SETX: variants seen among roughly 807,000 people sequenced by gnomAD.
The protein encoded by SETX is helicase senataxin.
Under a neutral mutation model 227.2 loss-of-function variants are expected in SETX, and 90 were observed. The observed-to-expected ratio is 0.40, with a 90% CI of 0.33 to 0.47. The LOEUF (loss-of-function observed/expected upper bound fraction) is 0.47. SETX is among the 20% of genes least tolerant of loss of function. The pLI is 0.91. For synonymous variants in SETX, 1,210 were observed against 1,113.2 expected, an observed-to-expected ratio of 1.09 and a Z score of -1.73; for missense variants, 3,052 against 3,181.5, an observed-to-expected ratio of 0.96 and a Z score of 0.98.
In SETX at chr9:132,269,598, A is replaced by G; in HGVS notation, c.7287+17T>C. On this transcript the variant is annotated intron_variant, in intron 25 of 25. Transcript: ENST00000224140. The stretch of plus-strand genomic sequence containing the variant: ...AACAGTAACAATGGGTAAACTTCTG[A>G]GCTCTCTGGTACCTACCATCAGGGT... 1 of 1,613,910 alleles carries G rather than the reference A, an allele frequency of 6.2e-7. No homozygotes were observed. Among genetic ancestry groups the G allele is most frequent in the Non-Finnish European group, 8.5e-7 (1 of 1,179,736 alleles).
chr9:132,274,015 C>CT (rs1340119925), intron 23 of SETX, among the ~76,000 whole-genome samples: 2 of 149,696 alleles, frequency 1.3e-5, no homozygotes, highest in Admixed American at 6.6e-5. Context: ...TTCCGTGCAA[C>CT]TTTTTTTTGT....
Position 132,327,048 on chromosome 9 carries a change from T to C in SETX, c.4550A>G (p.Tyr1517Cys), listed in dbSNP as rs750994456. The change falls in exon 10 of 26, where the codon TAT becomes TGT. Residue 1517 changes from tyrosine (Y) to cysteine (C), a missense_variant. By Grantham distance (194) the Tyr-to-Cys change is radical. Coordinates refer to ENST00000224140, the MANE Select transcript of SETX (RefSeq NM_015046.7). ...TCCATGAATTAGTTCAATGAGTTTATAATTGTCATTCTCCATTTGTGAACA... is the reference window on the plus strand; with the variant it reads ...TCCATGAATTAGTTCAATGAGTTTACAATTGTCATTCTCCATTTGTGAACA... ...DLCSQMENDN[Y>C]KLIELIHGKD... 2 of 1,614,232 alleles carry C rather than the reference T, an allele frequency of 1.2e-6. No individual in the cohort carries two copies. Among genetic ancestry groups the C allele is most frequent in the South Asian group, 2.2e-5 (2 of 91,088 alleles).
rs113856732 is a variant in SETX at position 132,327,381 on chromosome 9, G to T, written c.4217C>A (p.Ala1406Asp). The T allele has an allele frequency of 1.9e-6, 3 of 1,614,174 alleles. No individual in the cohort carries two copies. Among genetic ancestry groups the T allele is most frequent in the Non-Finnish European group, 2.5e-6 (3 of 1,180,040 alleles). ...YNCTGGTEVLANSNRKQLIKC... is the reference protein window; with the variant it reads ...YNCTGGTEVLDNSNRKQLIKC... Reference sequence around the variant, plus strand: ...TATTAACTGTTTTCTGTTACTGTTGGCAAGTACCTCAGTTCCTCCTGTACA... The same window carrying T: ...TATTAACTGTTTTCTGTTACTGTTGTCAAGTACCTCAGTTCCTCCTGTACA... Residue 1406 changes from alanine to aspartate, a missense_variant, in exon 10 of 26, where the codon GCC becomes GAC. By Grantham distance (126) the Ala-to-Asp change is moderately radical. Around this residue, in one of 10 missense-constraint regions of SETX, gnomAD observed 1,483 missense variants for 1,312.0 expected, o/e 1.13. Coordinates refer to ENST00000224140, the MANE Select transcript of SETX (RefSeq NM_015046.7).
chr9:132,335,622 C>T (rs566924016), intron 6 of SETX, among the ~76,000 whole-genome samples: 4 of 151,798 alleles, frequency 2.6e-5, no homozygotes, highest in Non-Finnish European at 4.4e-5. Flanking sequence ...GGACTACAGG[C>T]GTGCACCACC....
intron 4 of SETX, among the ~76,000 whole-genome samples, chr9:132,343,793 G>A (rs78997853): frequency 6.1e-4 from 93 of 152,144 alleles, no homozygotes; most frequent in East Asian, 4.8e-3. Context: ...ATACTTTTAC[G>A]GATAGATTAT....
Position 132,300,740 on chromosome 9 carries a change from A to C in SETX, c.5438T>G (p.Leu1813Ter). The C allele has an allele frequency of 1.2e-6, 2 of 1,613,412 alleles. No homozygotes were observed. The highest frequency in any genetic ancestry group is 1.7e-6 in the Non-Finnish European group (2 of 1,179,754). The change falls in exon 12 of 26, where the codon TTA becomes TGA. Residue 1813 changes from leucine to a stop codon, truncating the protein, a stop_gained. Coordinates refer to ENST00000224140, the MANE Select transcript of SETX (RefSeq NM_015046.7). LOFTEE classifies it high-confidence loss of function. The stretch of plus-strand genomic sequence containing the variant: ...CTCTTCATTTATTCTCTCAGGAGCT[A>C]AAAACACCAAATCGTTTTCCTTTGG... ...LYPKENDLVF[L>*]APERINEEKK... is the part of the protein sequence containing the mutation.
chr9:132,291,555 C>T lies in SETX; in HGVS notation c.6107-2904G>A, dbSNP rs111431418. On this transcript the variant is annotated intron_variant, in intron 15 of 25. Coordinates refer to ENST00000224140, the MANE Select transcript of SETX (RefSeq NM_015046.7). ...CTACTATAAGCACCCAGAAATGTTC[C>T]GCAAATTATAACAGATATCCTTTAC... Among the ~76,000 whole-genome samples the T allele has an allele frequency of 1.6e-3, 242 of 152,132 alleles. 1 individual carries two copies. The highest frequency in any genetic ancestry group is 5.3e-3 in the African/African-American group (220 of 41,486).
chr9:132,304,610 G>A (rs1845212289), intron 11 of SETX, among the ~76,000 whole-genome samples: 1 of 149,378 alleles, frequency 6.7e-6, no homozygotes, highest in Non-Finnish European at 1.5e-5. Context: ...GTCAGCCTGG[G>A]CGACAGAACA....
rs1270149407 is a variant in SETX, at chr9:132,275,388, A to G, written c.6968T>C (p.Val2323Ala). Residue 2323 changes from valine (V) to alanine (A), a missense_variant, in exon 23 of 26, where the codon GTG becomes GCG. Physicochemically the swap from Val to Ala is moderately conservative, Grantham distance 64 (BLOSUM62 0). Transcript: ENST00000224140. ...TTTAATAAGCTTAATTATTTCCATC[A>G]CCAGTTTTATTTCTTGAACATTTAT... ...SYINVQEIKL[V>A]MEIIKLIKDK... The G allele has an allele frequency of 1.2e-6, 2 of 1,605,272 alleles. No homozygotes were observed. Among genetic ancestry groups the G allele is most frequent in the Non-Finnish European group, 1.7e-6 (2 of 1,172,370 alleles).
In SETX at chr9:132,295,729, A is replaced by G. The variant is rs1220106334; in HGVS notation, c.6106+143T>C. 6.1e-6 allele frequency: 5 copies of G among 814,130 alleles called. No individual in the cohort carries two copies. In the South Asian group the frequency reaches 7.8e-5, roughly 13 times the overall value. 50.4% of individuals were successfully genotyped at this position (814,130 alleles called of 1,614,324 possible). A position where few individuals can be genotyped will look rare whatever the true frequency, so the allele number is the denominator to read the frequency against. ...TGGCACAGGGTAAATGTTCAATGAA[A>G]TACTTGCTAAATGAACTCACAAGCC... is the stretch of plus-strand genomic sequence containing the variant. On this transcript the variant is annotated intron_variant, in intron 15 of 25. Transcript: ENST00000224140.
chr9:132,355,670 G>C (rs1484866244), upstream of SETX, among the ~76,000 whole-genome samples: 1 of 151,696 alleles, frequency 6.6e-6, no homozygotes, highest in African/African-American at 2.4e-5. Context: ...CGAGACACCC[G>C]TATGTACAAA....
chr9:132,263,136 GTCTACCAC>G lies in SETX; in HGVS notation c.*1095_*1102del, dbSNP rs1018466519. Reference sequence around the variant, plus strand: ...AGATGATTTCTGAAGATCACAGGAAGTCTACCACTCTCTTCCCAGTTCTGAACTCCTCT... The same window carrying G: ...AGATGATTTCTGAAGATCACAGGAAGTCTCTTCCCAGTTCTGAACTCCTCT... On this transcript the variant is annotated 3_prime_UTR_variant, in exon 26 of 26. Transcript: ENST00000224140. The G allele has an allele frequency of 5.3e-5, 8 of 152,204 alleles. No homozygotes were observed. The highest frequency in any genetic ancestry group is 1.9e-4 in the African/African-American group (8 of 41,442). The allele number at this position is 152,204 out of a possible 1,614,324, so 9.4% of individuals were successfully genotyped here. A position where few individuals can be genotyped will look rare whatever the true frequency, so the allele number is the denominator to read the frequency against.
chr9:132,291,428 A>G (rs1486237189), intron 15 of SETX, among the ~76,000 whole-genome samples: 2 of 152,086 alleles, frequency 1.3e-5, no homozygotes, highest in Admixed American at 6.5e-5. Flanking sequence ...GGCCTCCCAA[A>G]GTGCTGGGAT....
At chr9:132,344,869 TAAAAA>T (rs10612492) in intron 4 of SETX, among the ~76,000 whole-genome samples, 2 of 139,314 alleles carry the variant, frequency 1.4e-5, no homozygotes, top group African/African-American at 2.7e-5. Flanking sequence ...TGAGACTCTT[TAAAAA>T]AAAAAAAAAA....
chr9:132,293,110 C>T (rs1844440316), intron 15 of SETX, among the ~76,000 whole-genome samples: 1 of 152,094 alleles, frequency 6.6e-6, no homozygotes, highest in South Asian at 2.1e-4. Context: ...TGTCCTTATT[C>T]CCTAAGAATC....
chr9:132,305,647 G>C (rs1295502632), intron 11 of SETX, among the ~76,000 whole-genome samples: 1 of 152,038 alleles, frequency 6.6e-6, no homozygotes, highest in East Asian at 1.9e-4. Context: ...TGACTCACAA[G>C]GAAATATCAG....
rs577260183 is a variant in SETX at position 132,340,219 on chromosome 9, C to CT, written c.498+2470dup. 5.1e-4 allele frequency among the ~76,000 whole-genome samples: 77 copies of CT among 152,040 alleles called. 1 individual carries two copies. Among genetic ancestry groups the CT allele is most frequent in the Non-Finnish European group, 9.3e-4 (63 of 67,988 alleles). On this transcript the variant is annotated intron_variant, in intron 5 of 25. Transcript: ENST00000224140. ...ATTTTCTTTCTTTTTTTTAATTATACTTTAAGTTCTAGGGTCCATGTGCAC... is the reference window on the plus strand; with the variant it reads ...ATTTTCTTTCTTTTTTTTAATTATACTTTTAAGTTCTAGGGTCCATGTGCAC...
chr9:132,348,372 A>AT (rs1246496603), intron 3 of SETX, among the ~76,000 whole-genome samples: 4,970 of 66,174 alleles, frequency 0.075, 367 homozygotes, highest in African/African-American at 0.24. Context: ...CAAAAAAAAA[A>AT]CAAAACAAAA....
At chr9:132,280,455 G>A (rs1843434129) in intron 20 of SETX, among the ~76,000 whole-genome samples, 1 of 152,098 alleles carries the variant, frequency 6.6e-6, no homozygotes, top group Non-Finnish European at 1.5e-5. Flanking sequence ...CGTGAACAAA[G>A]TTACCTGCAG....
Sources: allele counts gnomAD v4.1 joint callset (sites outside exome capture counted in the v4.1 genomes callset), GRCh38; gene constraint gnomAD v4.1.1; regional missense constraint gnomAD v4.1.1; transcripts MANE v1.5; gene names NCBI Gene and HGNC (gene_info 2026-07-23, HGNC 2026-07-21).